Variants in TMEM132C observed in about 807,000 individuals in gnomAD.
TMEM132C encodes the protein transmembrane protein 132C, also known as protein phosphatase 1, regulatory subunit 152.
A neutral mutation model predicts 61.4 loss-of-function variants in TMEM132C; 29 were observed. The ratio of observed to expected loss-of-function variants is 0.47; its 90% CI spans 0.35 to 0.64. The LOEUF is 0.64. Among genes scored for constraint, TMEM132C ranks in the 30% least tolerant of loss-of-function variants. The probability of loss-of-function intolerance (pLI) is 0.00; values close to 1 mark genes in which losing one functional copy is unlikely to be tolerated. For synonymous variants in TMEM132C, 656 were observed against 633.1 expected (o/e 1.04, Z -0.54); for missense variants, 1,408 against 1,476.9 (o/e 0.95, Z 0.76).
At chr12:128,624,543 CAAAAAAAA>C (rs752979852) in intron 4 of TMEM132C, among the ~76,000 whole-genome samples, 1 of 32,900 alleles carries the variant, frequency 3.0e-5, no homozygotes, top group Non-Finnish European at 6.3e-5. Flanking sequence ...GACTCCATCT[CAAAAAAAA>C]AAAAAAAAAA....
chr12:128,497,958 C>T (rs1397183043), intron 2 of TMEM132C, among the ~76,000 whole-genome samples: 1 of 152,082 alleles, frequency 6.6e-6, no homozygotes, highest in Non-Finnish European at 1.5e-5. Context: ...CCTATTCGGC[C>T]ATCTTGGAAC....
intron 1 of TMEM132C, among the ~76,000 whole-genome samples, chr12:128,339,169 C>CA (rs1395765242): frequency 6.6e-6 from 1 of 152,022 alleles, no homozygotes; most frequent in Non-Finnish European, 1.5e-5. Context: ...CACTGGAGGT[C>CA]AGCCCCCACT....
intron 2 of TMEM132C, among the ~76,000 whole-genome samples, chr12:128,444,768 C>T (rs1035104999): frequency 2.0e-5 from 3 of 152,200 alleles, no homozygotes; most frequent in Non-Finnish European, 2.9e-5. Flanking sequence ...GTCCTTGGCG[C>T]GGGTGGTATT....
At chr12:128,497,951 A>T (rs1169197193) in intron 2 of TMEM132C, among the ~76,000 whole-genome samples, 1 of 152,050 alleles carries the variant, frequency 6.6e-6, no homozygotes. Flanking sequence ...AGCTGTTCCT[A>T]TTCGGCCATC....
chr12:128,611,381 T>G (rs528351743), intron 3 of TMEM132C, among the ~76,000 whole-genome samples: 1 of 152,320 alleles, frequency 6.6e-6, no homozygotes, highest in East Asian at 1.9e-4. Flanking sequence ...TCTTTTCTCT[T>G]TCATTATTTG....
chr12:128,402,742 G>A (rs1875210983), intron 1 of TMEM132C, among the ~76,000 whole-genome samples: 2 of 152,230 alleles, frequency 1.3e-5, no homozygotes, highest in African/African-American at 2.4e-5. Flanking sequence ...TTAACTTGCG[G>A]AAACACTGAC....
At chr12:128,308,753 G>A (rs998967039) in intron 1 of TMEM132C, among the ~76,000 whole-genome samples, 11 of 152,242 alleles carry the variant, frequency 7.2e-5, no homozygotes, top group African/African-American at 2.4e-4. Context: ...GCTGAGCACC[G>A]TGCACAAGGC....
intron 1 of TMEM132C, among the ~76,000 whole-genome samples, chr12:128,362,369 C>A (rs1873734034): frequency 6.6e-6 from 1 of 152,068 alleles, no homozygotes; most frequent in South Asian, 2.1e-4. Flanking sequence ...TATCTAATTA[C>A]CCATTGTGAG....
intron 2 of TMEM132C, among the ~76,000 whole-genome samples, chr12:128,460,858 G>A (rs1244727033): frequency 6.6e-6 from 1 of 152,028 alleles, no homozygotes; most frequent in Non-Finnish European, 1.5e-5. Context: ...TGGGTGGGGG[G>A]AATGCTTGAT....
chr12:128,593,484 A>G (rs2135568005), intron 3 of TMEM132C, among the ~76,000 whole-genome samples: 1 of 152,300 alleles, frequency 6.6e-6, no homozygotes, highest in Admixed American at 6.5e-5. Flanking sequence ...ATGTGGAGAC[A>G]CTCACACAGC....
At chr12:128,520,255 G>C (rs1872856867) in intron 2 of TMEM132C, among the ~76,000 whole-genome samples, 1 of 152,144 alleles carries the variant, frequency 6.6e-6, no homozygotes, top group Non-Finnish European at 1.5e-5. Flanking sequence ...GCATGCTCTT[G>C]GTCAGTGTGT....
At chr12:128,501,586 A>G (rs1243360088) in intron 2 of TMEM132C, among the ~76,000 whole-genome samples, 1 of 152,192 alleles carries the variant, frequency 6.6e-6, no homozygotes, top group Admixed American at 6.5e-5. Context: ...ATGGGCTGTG[A>G]CGTGCTCTAC....
chr12:128,623,429 A>G (rs2135589068), intron 4 of TMEM132C, among the ~76,000 whole-genome samples: 1 of 148,796 alleles, frequency 6.7e-6, no homozygotes, highest in East Asian at 1.9e-4. Flanking sequence ...TTTTATATAT[A>G]TATATGTATA....
At position 128,465,522 on chromosome 12, in the gene TMEM132C, G is replaced by A. The variant is rs113517269; in HGVS notation, c.974+49902G>A. ...GGCCTCTTCATTTCTTCATTCACATGAGAGATACTCATGAGTACACTCGAC... is the reference window on the plus strand; with the variant it reads ...GGCCTCTTCATTTCTTCATTCACATAAGAGATACTCATGAGTACACTCGAC... On this transcript the variant is annotated intron_variant, in intron 2 of 8. Coordinates refer to ENST00000435159, the MANE Select transcript of TMEM132C (RefSeq NM_001136103.3). Among the ~76,000 whole-genome samples, 4 of 152,266 alleles carry A rather than the reference G, an allele frequency of 2.6e-5. 1 individual carries two copies. Among genetic ancestry groups the A allele is most frequent in the African/African-American group, 9.6e-5 (4 of 41,556 alleles).
intron 2 of TMEM132C, among the ~76,000 whole-genome samples, chr12:128,469,714 GTGTGTGTGTATATATATATGCATTTA>G (rs1870877221): frequency 6.6e-6 from 1 of 151,148 alleles, no homozygotes; most frequent in African/African-American, 2.4e-5. Flanking sequence ...ATGCATTTAT[GTGTGTGTGTATATATATATGCATTTA>G]TGTGTGTGTA....
intron 1 of TMEM132C, among the ~76,000 whole-genome samples, chr12:128,273,613 A>G (rs1012905880): frequency 6.6e-6 from 1 of 151,880 alleles, no homozygotes; most frequent in Admixed American, 6.6e-5. Flanking sequence ...TCTGCTCTTT[A>G]TTCTTCTTTC....
At chr12:128,334,468 T>C (rs530515730) in intron 1 of TMEM132C, among the ~76,000 whole-genome samples, 2 of 152,332 alleles carry the variant, frequency 1.3e-5, no homozygotes, top group Non-Finnish European at 2.9e-5. Flanking sequence ...ATCAACCCTC[T>C]TTAGAAGACG....
chr12:128,306,497 T>C (rs7313554), intron 1 of TMEM132C, among the ~76,000 whole-genome samples: 81,384 of 151,814 alleles, frequency 0.54, 22,459 homozygotes, highest in Middle Eastern at 0.64. Flanking sequence ...CCACCGCACC[T>C]GGCCACCCTG....
At chr12:128,620,044 A>T (rs1343444685) in intron 4 of TMEM132C, among the ~76,000 whole-genome samples, 1 of 151,992 alleles carries the variant, frequency 6.6e-6, no homozygotes, top group South Asian at 2.1e-4. Flanking sequence ...CAGCTTGGGT[A>T]ACATAGTGAG....
Sources: gnomAD v4.1 joint callset for allele counts (sites outside exome capture counted in the v4.1 genomes callset) on GRCh38, gnomAD v4.1.1 for gene constraint, MANE v1.5 for transcripts, NCBI Gene and HGNC (gene_info 2026-07-23, HGNC 2026-07-21) for gene names.